IL1RAPL2: variants seen among roughly 807,000 people sequenced by gnomAD.
The protein encoded by IL1RAPL2 is interleukin 1 receptor accessory protein like 2, also known as X-linked interleukin-1 receptor accessory protein-like 2.
In IL1RAPL2, 3 loss-of-function variants were observed where a neutral mutation model predicts 44.1. The ratio of observed to expected loss-of-function variants is 0.07; its 90% CI spans 0.03 to 0.18. The LOEUF (loss-of-function observed/expected upper bound fraction) is 0.18, where lower values mean the gene tolerates loss of function less well. IL1RAPL2 is among the 10% of genes least tolerant of loss of function. The pLI is 1.00. For synonymous variants in IL1RAPL2, 181 were observed against 178.8 expected (o/e 1.01, Z -0.10); for missense variants, 391 against 496.4 (o/e 0.79, Z 2.02).
At chrX:104,630,269 C>G (rs753136373) in intron 1 of IL1RAPL2, among the ~76,000 whole-genome samples, 2 of 109,898 alleles carry the variant, frequency 1.8e-5, no homozygotes, top group East Asian at 5.8e-4. Context: ...TGCCTCAGCC[C>G]CCTGAGTAGC....
At position 104,712,873 on chromosome X, in the gene IL1RAPL2, AT is replaced by A. The variant is rs757398498; in HGVS notation, c.82+53882del. 1.4e-4 allele frequency among the ~76,000 whole-genome samples: 16 copies of A among 110,948 alleles called. No homozygotes were observed. In the South Asian group the frequency reaches 5.7e-3, roughly 39 times the overall value. ...ACTGAGAATAGACAAGAAGAGGTAG[AT>A]TTTGACTGAAACAGGAGGCATTTTG... On this transcript the variant is annotated intron_variant, in intron 2 of 10. Transcript: ENST00000372582.
At chrX:105,199,472 G>T (rs2033698636) in intron 3 of IL1RAPL2, among the ~76,000 whole-genome samples, 1 of 110,527 alleles carries the variant, frequency 9.0e-6, no homozygotes, top group Non-Finnish European at 1.9e-5. Context: ...TGCTAGGTAT[G>T]CTCATTGCTA....
At chrX:105,534,365 T>C (rs1345559183) in intron 6 of IL1RAPL2, among the ~76,000 whole-genome samples, 9 of 112,096 alleles carry the variant, frequency 8.0e-5, no homozygotes, top group South Asian at 3.7e-4. Flanking sequence ...ATAATTTAAC[T>C]GTATATTTTA....
rs192726422 is a variant in IL1RAPL2, at chrX:104,657,907, C to A, written c.-19-988C>A. Among the ~76,000 whole-genome samples, 595 of 112,022 alleles carry A rather than the reference C, an allele frequency of 5.3e-3. 6 individuals are homozygous for A. The highest frequency in any genetic ancestry group is 0.018 in the African/African-American group (555 of 30,836). On this transcript the variant is annotated intron_variant, in intron 1 of 10. Coordinates refer to ENST00000372582, the MANE Select transcript of IL1RAPL2 (RefSeq NM_017416.2). The stretch of plus-strand genomic sequence containing the variant: ...GTCATCAGAGAAATGCAAATCAAAA[C>A]CACAATGAGATACCATCTCACACCA...
At chrX:105,510,297 A>ATG (rs763767201) in intron 6 of IL1RAPL2, among the ~76,000 whole-genome samples, 81 of 109,676 alleles carry the variant, frequency 7.4e-4, no homozygotes, top group East Asian at 1.2e-3. Flanking sequence ...GGTAATGTGT[A>ATG]TGTGTGTGTG....
chrX:105,533,764 T>C (rs189319214), intron 6 of IL1RAPL2, among the ~76,000 whole-genome samples: 1 of 112,475 alleles, frequency 8.9e-6, no homozygotes, highest in Admixed American at 9.4e-5. Flanking sequence ...TCTAAATTGT[T>C]GCATATATTA....
chrX:105,721,032 C>T (rs1031447762), intron 7 of IL1RAPL2, among the ~76,000 whole-genome samples: 27 of 111,085 alleles, frequency 2.4e-4, no homozygotes, highest in African/African-American at 8.8e-4. Context: ...TCTTCATAAT[C>T]GTCCAAACTG....
intron 2 of IL1RAPL2, among the ~76,000 whole-genome samples, chrX:105,149,920 TAAG>T (rs1046982687): frequency 9.0e-6 from 1 of 110,880 alleles, no homozygotes; most frequent in Non-Finnish European, 1.9e-5. Context: ...TTAATAATCA[TAAG>T]AAAGCAAGGT....
At chrX:104,756,559 A>G (rs1932342994) in intron 2 of IL1RAPL2, among the ~76,000 whole-genome samples, 1 of 110,857 alleles carries the variant, frequency 9.0e-6, no homozygotes, top group African/African-American at 3.3e-5. Context: ...CTCATATCAG[A>G]CACTGTTCTA....
At chrX:105,199,787 T>C (rs782467517) in intron 3 of IL1RAPL2, among the ~76,000 whole-genome samples, 1 of 112,354 alleles carries the variant, frequency 8.9e-6, no homozygotes. Context: ...TAGGGAGCTA[T>C]TGGGACTGAT....
intron 2 of IL1RAPL2, among the ~76,000 whole-genome samples, chrX:104,739,970 G>A (rs935867700): frequency 4.5e-5 from 5 of 111,342 alleles, no homozygotes; most frequent in Non-Finnish European, 5.7e-5. Flanking sequence ...TGCTAGATGG[G>A]GATGGTGAGG....
intron 4 of IL1RAPL2, among the ~76,000 whole-genome samples, chrX:105,234,806 TAAA>T (rs368688495): frequency 6.1e-5 from 4 of 65,868 alleles, no homozygotes; most frequent in South Asian, 6.8e-4. Context: ...AGACTCCATC[TAAA>T]AAAAAAAAAA....
At chrX:105,243,543 GTGTGTATATATATATA>G in intron 4 of IL1RAPL2, among the ~76,000 whole-genome samples, 1 of 75,389 alleles carries the variant, frequency 1.3e-5, no homozygotes, top group East Asian at 3.3e-4. Context: ...ATATATATAT[GTGTGTATATATATATA>G]TATGTGTGTA....
intron 2 of IL1RAPL2, among the ~76,000 whole-genome samples, chrX:105,078,113 T>G (rs2032339436): frequency 9.0e-6 from 1 of 111,721 alleles, no homozygotes; most frequent in South Asian, 3.8e-4. Flanking sequence ...GGCACTCTGA[T>G]TTTTAGAGTT....
chrX:104,849,178 C>T (rs1267995969), intron 2 of IL1RAPL2, among the ~76,000 whole-genome samples: 1 of 105,898 alleles, frequency 9.4e-6, no homozygotes, highest in African/African-American at 3.5e-5. Context: ...TACAGGTTCC[C>T]GCCACCACAC....
At chrX:104,886,882 A>G (rs1031812096) in intron 2 of IL1RAPL2, among the ~76,000 whole-genome samples, 4 of 111,964 alleles carry the variant, frequency 3.6e-5, no homozygotes, top group African/African-American at 9.7e-5. Flanking sequence ...GCCCTTCAGT[A>G]TGTGGATGAA....
intron 6 of IL1RAPL2, among the ~76,000 whole-genome samples, chrX:105,687,845 C>A (rs1473787194): frequency 9.0e-6 from 1 of 111,502 alleles, no homozygotes; most frequent in Admixed American, 9.5e-5. Flanking sequence ...CAAACCGAAT[C>A]CCGCAGCACA....
chrX:105,141,232 C>G (rs1178064136), intron 2 of IL1RAPL2, among the ~76,000 whole-genome samples: 1 of 110,196 alleles, frequency 9.1e-6, no homozygotes, highest in East Asian at 2.9e-4. Flanking sequence ...ACAAAAATGC[C>G]CTAGATAGAA....
chrX:105,222,077 C>T (rs1218937195), intron 3 of IL1RAPL2, among the ~76,000 whole-genome samples: 1 of 111,462 alleles, frequency 9.0e-6, no homozygotes, highest in East Asian at 2.8e-4. Flanking sequence ...CCTTGTGGCA[C>T]ACTCCTTGTC....
Sources: allele counts gnomAD v4.1 joint callset (sites outside exome capture counted in the v4.1 genomes callset), GRCh38; gene constraint gnomAD v4.1.1; transcripts MANE v1.5; gene names NCBI Gene and HGNC (gene_info 2026-07-23, HGNC 2026-07-21).